WDR64: variants seen among roughly 807,000 people sequenced by gnomAD.
WDR64 encodes the protein WD repeat-containing protein 64.
In WDR64, 112 loss-of-function variants were observed where a neutral mutation model predicts 139.3. The ratio of observed to expected loss-of-function variants is 0.80; its 90% CI spans 0.69 to 0.94. WDR64 has a LOEUF of 0.94. Among genes scored for constraint, WDR64 ranks in the 40% least tolerant of loss-of-function variants. WDR64 has a pLI of 0.00. For synonymous variants in WDR64, 444 were observed against 437.7 expected (o/e 1.01, Z -0.18); for missense variants, 1,206 against 1,293.1 (o/e 0.93, Z 1.03).
intron 2 of WDR64, among the ~76,000 whole-genome samples, chr1:241,669,022 C>T (rs1281399925): frequency 6.6e-6 from 1 of 152,150 alleles, no homozygotes; most frequent in Non-Finnish European, 1.5e-5. Flanking sequence ...CCAACGATAA[C>T]AATAGCTAAT....
intron 14 of WDR64, among the ~76,000 whole-genome samples, chr1:241,752,697 A>G (rs1459169700): frequency 6.6e-6 from 1 of 152,144 alleles, no homozygotes; most frequent in Non-Finnish European, 1.5e-5. Flanking sequence ...CAAAAAATGT[A>G]AAAATTAGCC....
intron 2 of WDR64, among the ~76,000 whole-genome samples, chr1:241,668,822 C>T (rs1000793814): frequency 3.3e-5 from 5 of 151,712 alleles, no homozygotes; most frequent in African/African-American, 9.7e-5. Context: ...ATTGCTTGAA[C>T]ACAGGAGGCG....
At chr1:241,665,178 A>C (rs989033799) in intron 2 of WDR64, among the ~76,000 whole-genome samples, 4 of 152,212 alleles carry the variant, frequency 2.6e-5, no homozygotes, top group Non-Finnish European at 4.4e-5. Context: ...CTTCTGGCAC[A>C]CTGTATGTAT....
chr1:241,756,858 G>A (rs1670210863), intron 14 of WDR64, among the ~76,000 whole-genome samples: 1 of 152,146 alleles, frequency 6.6e-6, no homozygotes, highest in African/African-American at 2.4e-5. Flanking sequence ...ATTGTAGTAT[G>A]TTTATATTAC....
At chr1:241,674,607 C>A in intron 3 of WDR64, 37 bp from the exon 4 acceptor site, 1 of 1,351,256 alleles carries the variant, frequency 7.4e-7, no homozygotes, top group Non-Finnish European at 1.0e-6. Flanking sequence ...AGCACCTTTA[C>A]TGCTGAAAGT....
intron 10 of WDR64, among the ~76,000 whole-genome samples, chr1:241,737,178 C>T (rs113764454): frequency 2.0e-5 from 3 of 152,176 alleles, no homozygotes; most frequent in South Asian, 2.1e-4. Context: ...CCAAAATTGG[C>T]ATTTTCACTA....
intron 15 of WDR64, among the ~76,000 whole-genome samples, chr1:241,758,194 A>G (rs1670280776): frequency 6.6e-6 from 1 of 152,066 alleles, no homozygotes; most frequent in Non-Finnish European, 1.5e-5. Flanking sequence ...ACTTCCTGCA[A>G]TCTGGTAGTT....
intron 2 of WDR64, among the ~76,000 whole-genome samples, chr1:241,664,487 A>G (rs912412829): frequency 6.6e-6 from 1 of 152,256 alleles, no homozygotes; most frequent in South Asian, 2.1e-4. Context: ...ATAAATGCCA[A>G]CAAATGAGAC....
At chr1:241,673,141 G>A (rs569063244) in intron 3 of WDR64, among the ~76,000 whole-genome samples, 140 of 148,934 alleles carry the variant, frequency 9.4e-4, no homozygotes, top group African/African-American at 3.4e-3. Context: ...GAACAATGAG[G>A]ACACATGGAC....
chr1:241,800,077 A>G (rs1659477931), intron 27 of WDR64, among the ~76,000 whole-genome samples: 1 of 152,242 alleles, frequency 6.6e-6, no homozygotes, highest in African/African-American at 2.4e-5. Context: ...TGAATGAAAT[A>G]GTGAATTAGC....
chr1:241,759,598 G>T (rs574677391), intron 15 of WDR64, among the ~76,000 whole-genome samples: 6 of 152,030 alleles, frequency 3.9e-5, no homozygotes, highest in African/African-American at 1.4e-4. Flanking sequence ...ACCTTCTTAA[G>T]CAAATGATAG....
At chr1:241,786,253 G>A (rs2148322814) in intron 23 of WDR64, among the ~76,000 whole-genome samples, 1 of 152,300 alleles carries the variant, frequency 6.6e-6, no homozygotes, top group Admixed American at 6.5e-5. Context: ...CTCTGAGGTG[G>A]GAGGCTATTC....
intron 8 of WDR64, among the ~76,000 whole-genome samples, chr1:241,711,338 T>C (rs1246520203): frequency 1.3e-5 from 2 of 150,102 alleles, no homozygotes; most frequent in African/African-American, 4.9e-5. Context: ...GCAGTGGGAG[T>C]GGGAAGAAGT....
chr1:241,682,077 T>G lies in WDR64; in HGVS notation c.625-1410T>G, dbSNP rs1574003825. 3.3e-5 allele frequency among the ~76,000 whole-genome samples: 5 copies of G among 152,318 alleles called. No individual in the cohort carries two copies. In the South Asian group the frequency reaches 1.0e-3, roughly 32 times the overall value. ...GAAGATTTTCTCCCACTCTGTGGGT[T>G]GTCTGTTTACTCTGCTGGCTTCTTT... is the stretch of plus-strand genomic sequence containing the variant. On this transcript the variant is annotated intron_variant, in intron 6 of 27. Coordinates refer to ENST00000437684, the MANE Select transcript of WDR64 (RefSeq NM_001367482.1).
intron 2 of WDR64, 145 bp downstream of exon 2, chr1:241,660,805 T>A (rs1477102427): frequency 1.2e-6 from 1 of 807,454 alleles, no homozygotes; most frequent in East Asian, 2.7e-5. Context: ...CATTAGGACA[T>A]GGCCACTGCC....
Position 241,660,658 on chromosome 1 carries a change from G to A in WDR64, c.274G>A (p.Glu92Lys). 1 of 1,549,848 alleles carries A rather than the reference G, an allele frequency of 6.5e-7. No individual in the cohort carries two copies. The highest frequency in any genetic ancestry group is 8.7e-7 in the Non-Finnish European group (1 of 1,146,324). The change falls in exon 2 of 28, where the codon GAG becomes AAG. Residue 92 changes from glutamate (E) to lysine (K), a missense_variant and splice_region_variant. By Grantham distance (56) the Glu-to-Lys change is moderately conservative. Transcript: ENST00000437684. ...CACGGATGCATCTGCAGACTGGTGT[G>A]AGGTAGACTCATTTCATGTTCATAA... is the stretch of plus-strand genomic sequence containing the variant. ...NNTDASADWC[E>K]IFGYFSSEED...
chr1:241,748,630 T>C (rs367866630), intron 13 of WDR64, among the ~76,000 whole-genome samples: 1 of 152,186 alleles, frequency 6.6e-6, no homozygotes, highest in Admixed American at 6.5e-5. Flanking sequence ...AAACAGAAAG[T>C]ATAATTTTAA....
At chr1:241,763,489 A>G (rs1310826007) in intron 15 of WDR64, among the ~76,000 whole-genome samples, 1 of 152,112 alleles carries the variant, frequency 6.6e-6, no homozygotes, top group Non-Finnish European at 1.5e-5. Flanking sequence ...GCGGGCAGAT[A>G]ACTTGAGGTC....
chr1:241,757,351 T>C lies in WDR64; in HGVS notation c.1839T>C (p.Asp613=). ...CTGATGTTGTGCCTTTCCTACAAGA[T>C]GGGAAACATGCTGTGCATCTGAGAA... is the stretch of plus-strand genomic sequence containing the variant. ...ELPDVVPFLQ[D]GKHAVHLRMS... The change falls in exon 15 of 28, where the codon GAT becomes GAC. Residue 613 remains aspartate (D), a synonymous_variant. Coordinates refer to ENST00000437684, the MANE Select transcript of WDR64 (RefSeq NM_001367482.1). 6.2e-7 allele frequency: 1 copy of C among 1,614,136 alleles called. No homozygotes were observed. Among genetic ancestry groups the C allele is most frequent in the Non-Finnish European group, 8.5e-7 (1 of 1,180,000 alleles).
Sources: allele counts gnomAD v4.1 joint callset (sites outside exome capture counted in the v4.1 genomes callset), GRCh38; gene constraint gnomAD v4.1.1; transcripts MANE v1.5; gene names NCBI Gene and HGNC (gene_info 2026-07-23, HGNC 2026-07-21).